The following KSR2 variants were observed in gnomAD, a reference collection of about 807,000 sequenced individuals.
KSR2 encodes kinase suppressor of ras 2.
Under a neutral mutation model 107.8 loss-of-function variants are expected in KSR2, and 25 were observed. The ratio of observed to expected loss-of-function variants is 0.23; its 90% CI spans 0.17 to 0.32. The LOEUF (loss-of-function observed/expected upper bound fraction) is 0.32, where lower values mean the gene tolerates loss of function less well. Ranked by LOEUF, KSR2 falls within the 10% of genes least tolerant of loss-of-function variation. The pLI is 1.00. For synonymous variants in KSR2, 480 were observed against 507.0 expected (o/e 0.95, Z 0.71); for missense variants, 887 against 1,268.9 (o/e 0.70, Z 4.57).
intron 3 of KSR2, among the ~76,000 whole-genome samples, chr12:117,839,340 C>T (rs779605321): frequency 3.3e-5 from 5 of 152,280 alleles, no homozygotes; most frequent in Admixed American, 6.5e-5. Flanking sequence ...GGAATCAGCC[C>T]GAGCTCAAGT....
chr12:117,591,833 A>G (rs1045399043), intron 5 of KSR2, among the ~76,000 whole-genome samples: 8 of 152,174 alleles, frequency 5.3e-5, no homozygotes, highest in African/African-American at 1.7e-4. Flanking sequence ...GCAAAACTCC[A>G]TCTCTACTAA....
chr12:117,944,097 C>A (rs1896100479), intron 1 of KSR2, among the ~76,000 whole-genome samples: 1 of 152,200 alleles, frequency 6.6e-6, no homozygotes, highest in African/African-American at 2.4e-5. Flanking sequence ...CCAGTCTTGG[C>A]CCGGAGCGGT....
intron 3 of KSR2, among the ~76,000 whole-genome samples, chr12:117,768,782 C>T (rs773710447): frequency 2.6e-5 from 4 of 152,282 alleles, no homozygotes; most frequent in South Asian, 2.1e-4. Flanking sequence ...TATAGACCCA[C>T]GGAACAATCC....
At chr12:117,904,942 G>A (rs1193016509) in intron 1 of KSR2, among the ~76,000 whole-genome samples, 2 of 152,188 alleles carry the variant, frequency 1.3e-5, no homozygotes, top group East Asian at 1.9e-4. Context: ...AGCAGTTTGG[G>A]AGGCCAAGGC....
At chr12:117,629,046 A>G (rs984658965) in intron 5 of KSR2, among the ~76,000 whole-genome samples, 11 of 152,262 alleles carry the variant, frequency 7.2e-5, no homozygotes, top group Admixed American at 5.9e-4. Context: ...GCCAGTTGCT[A>G]AGACCTTGGG....
intron 1 of KSR2, among the ~76,000 whole-genome samples, chr12:117,939,977 ACACACACAC>A (rs1351662131): frequency 6.6e-6 from 1 of 151,800 alleles, no homozygotes; most frequent in Non-Finnish European, 1.5e-5. Context: ...ACACACACAC[ACACACACAC>A]ATTTTAATTA....
At chr12:117,689,483 C>G (rs542214732) in intron 4 of KSR2, among the ~76,000 whole-genome samples, 2 of 152,344 alleles carry the variant, frequency 1.3e-5, no homozygotes, top group East Asian at 3.9e-4. Context: ...ACTGCAACTA[C>G]TCGATTCTGC....
At chr12:117,802,965 T>A (rs572562115) in intron 3 of KSR2, among the ~76,000 whole-genome samples, 131 of 152,352 alleles carry the variant, frequency 8.6e-4, no homozygotes, top group African/African-American at 3.0e-3. Flanking sequence ...TGACTGATAA[T>A]TGCATTCTGA....
At chr12:117,822,287 C>A (rs911180018) in intron 3 of KSR2, among the ~76,000 whole-genome samples, 4 of 152,152 alleles carry the variant, frequency 2.6e-5, no homozygotes, top group African/African-American at 9.7e-5. Context: ...AATAAACTTC[C>A]TTTCACTTTA....
At chr12:117,876,468 C>A (rs1055345858) in intron 1 of KSR2, among the ~76,000 whole-genome samples, 1 of 152,180 alleles carries the variant, frequency 6.6e-6, no homozygotes, top group Non-Finnish European at 1.5e-5. Flanking sequence ...GAAGAGCCCC[C>A]CTCTCCGCTG....
intron 4 of KSR2, among the ~76,000 whole-genome samples, chr12:117,675,089 TCTC>T (rs902610641): frequency 6.6e-6 from 1 of 152,082 alleles, no homozygotes; most frequent in Non-Finnish European, 1.5e-5. Flanking sequence ...ACCAGTCAGA[TCTC>T]CTGGTTACAC....
At chr12:117,671,383 A>C (rs1251752277) in intron 4 of KSR2, among the ~76,000 whole-genome samples, 1 of 152,222 alleles carries the variant, frequency 6.6e-6, no homozygotes, top group Non-Finnish European at 1.5e-5. Context: ...AGACAGACAG[A>C]TTGATGGCAA....
intron 4 of KSR2, among the ~76,000 whole-genome samples, chr12:117,716,002 C>T (rs979674471): frequency 5.9e-5 from 9 of 152,182 alleles, no homozygotes; most frequent in Admixed American, 5.2e-4. Context: ...ACTCTTTGTA[C>T]GGCCTCTTCT....
chr12:117,594,741 C>T lies in KSR2; in HGVS notation c.1172-12382G>A, dbSNP rs544654243. On this transcript the variant is annotated intron_variant, in intron 5 of 19. Transcript: ENST00000339824. ...AAGAGTTAAACCAGCCCAACCCCAA[C>T]ACATAAACAAAGTTAACCTAGAGCA... Among the ~76,000 whole-genome samples the T allele has an allele frequency of 6.5e-4, 99 of 152,304 alleles. No homozygotes were observed. In the Middle Eastern group the frequency reaches 0.01, roughly 16 times the overall value.
chr12:117,821,514 T>A lies in KSR2; in HGVS notation c.472+33914A>T, dbSNP rs151126638. On this transcript the variant is annotated intron_variant, in intron 3 of 19. Transcript: ENST00000339824. ...ATACGTATATTCATAACATACAAAA[T>A]ATGTGTTAACTGACTTCATATTATC... 3.2e-3 allele frequency among the ~76,000 whole-genome samples: 493 copies of A among 152,344 alleles called. 12 individuals carry two copies. The highest frequency in any genetic ancestry group is 0.029 in the Admixed American group (449 of 15,300).
chr12:117,639,081 T>A lies in KSR2; in HGVS notation c.1171+28393A>T, dbSNP rs1883239404. 1.3e-5 allele frequency among the ~76,000 whole-genome samples: 2 copies of A among 152,076 alleles called. 1 individual carries two copies. Among genetic ancestry groups the A allele is most frequent in the South Asian group, 4.1e-4 (2 of 4,820 alleles). On this transcript the variant is annotated intron_variant, in intron 5 of 19. Transcript: ENST00000339824. ...TTATTTTACAAAAAAGGCAGCTGGT[T>A]CACGTACATTGCCCACTTAGTTTTT... is the stretch of plus-strand genomic sequence containing the variant.
chr12:117,479,882 A>T (rs914358162), intron 16 of KSR2, among the ~76,000 whole-genome samples: 2 of 152,180 alleles, frequency 1.3e-5, no homozygotes, highest in African/African-American at 4.8e-5. Flanking sequence ...GCAGACCCAA[A>T]TTTCTATTTT....
At chr12:117,631,405 G>C (rs1882801537) in intron 5 of KSR2, among the ~76,000 whole-genome samples, 1 of 152,160 alleles carries the variant, frequency 6.6e-6, no homozygotes, top group Non-Finnish European at 1.5e-5. Flanking sequence ...CTATATGATG[G>C]CCTGACCTCC....
rs1452801223 is a variant in KSR2, at chr12:117,539,758, G to C, written c.1648C>G (p.Pro550Ala). 4 of 1,607,942 alleles carry C rather than the reference G, an allele frequency of 2.5e-6. No individual in the cohort carries two copies. Among genetic ancestry groups the C allele is most frequent in the African/African-American group, 2.7e-5 (2 of 74,526 alleles). The change falls in exon 10 of 20, where the codon CCA becomes GCA. Residue 550 changes from proline to alanine, a missense_variant. Physicochemically the swap from Pro to Ala is conservative, Grantham distance 27. Coordinates refer to ENST00000339824, the MANE Select transcript of KSR2 (RefSeq NM_173598.6). ...ATPPSPLHPS[P>A]QCTRQQKNFN... ...TTCTTCTGCTGCCGTGTGCACTGTG[G>C]GGAAGGGTGTAGGGGAGAAGGCGGC...
Sources: allele counts gnomAD v4.1 joint callset (sites outside exome capture counted in the v4.1 genomes callset), GRCh38; gene constraint gnomAD v4.1.1; transcripts MANE v1.5; gene names NCBI Gene and HGNC (gene_info 2026-07-23, HGNC 2026-07-21).